CDH13: variants seen among roughly 807,000 people sequenced by gnomAD.
CDH13 encodes cadherin-13.
Under a neutral mutation model 63.8 loss-of-function variants are expected in CDH13, and 24 were observed. The observed-to-expected ratio is 0.38, with a 90% CI of 0.27 to 0.53. The LOEUF (loss-of-function observed/expected upper bound fraction) is 0.53. Among genes scored for constraint, CDH13 ranks in the 20% least tolerant of loss-of-function variants. The pLI, the probability that CDH13 is intolerant of heterozygous loss-of-function variation, is 0.85. For synonymous variants in CDH13, 503 were observed against 355.3 expected, an observed-to-expected ratio of 1.42 and a Z score of -4.67; for missense variants, 1,049 against 903.1, an observed-to-expected ratio of 1.16 and a Z score of -2.07.
chr16:83,609,225 T>G (rs114504869), intron 8 of CDH13, among the ~76,000 whole-genome samples: 3,259 of 152,266 alleles, frequency 0.021, 125 homozygotes, highest in African/African-American at 0.075. Flanking sequence ...TAAACTTTCT[T>G]AAGACATTAT....
intron 5 of CDH13, among the ~76,000 whole-genome samples, chr16:83,301,278 G>C (rs555388452): frequency 6.6e-6 from 1 of 151,870 alleles, no homozygotes; most frequent in Non-Finnish European, 1.5e-5. Flanking sequence ...TGATCCGCCC[G>C]CCTCAGCCTC....
chr16:82,898,634 C>T (rs2041350294), intron 2 of CDH13, among the ~76,000 whole-genome samples: 1 of 152,120 alleles, frequency 6.6e-6, no homozygotes, highest in South Asian at 2.1e-4. Context: ...GGTCACAGAG[C>T]CCGGAGCAAA....
chr16:83,620,917 C>T (rs1278691630), intron 8 of CDH13, among the ~76,000 whole-genome samples: 2 of 152,122 alleles, frequency 1.3e-5, no homozygotes, highest in Non-Finnish European at 1.5e-5. Context: ...TCCAACATGC[C>T]CCAGACTTGC....
At chr16:83,644,493 A>T (rs762434025) in intron 8 of CDH13, among the ~76,000 whole-genome samples, 8 of 152,238 alleles carry the variant, frequency 5.3e-5, no homozygotes, top group Admixed American at 2.0e-4. Flanking sequence ...CAAAAGCAAA[A>T]TGCCTGGCCC....
intron 1 of CDH13, among the ~76,000 whole-genome samples, chr16:82,782,732 G>A (rs2035820887): frequency 6.6e-6 from 1 of 152,092 alleles, no homozygotes; most frequent in South Asian, 2.1e-4. Context: ...GCAGCTTCAC[G>A]ACCAAGCACA....
intron 1 of CDH13, among the ~76,000 whole-genome samples, chr16:82,837,363 A>C (rs999877926): frequency 1.3e-5 from 2 of 152,160 alleles, no homozygotes; most frequent in African/African-American, 4.8e-5. Flanking sequence ...GGCACAGAAC[A>C]AATGAATGAA....
intron 7 of CDH13, among the ~76,000 whole-genome samples, chr16:83,507,013 C>T (rs964227193): frequency 2.0e-5 from 3 of 152,200 alleles, no homozygotes; most frequent in African/African-American, 7.2e-5. Context: ...CTTTAAAGCA[C>T]TAAGTTTGGG....
At chr16:82,709,327 G>A (rs2031738461) in intron 1 of CDH13, among the ~76,000 whole-genome samples, 1 of 152,142 alleles carries the variant, frequency 6.6e-6, no homozygotes, top group South Asian at 2.1e-4. Flanking sequence ...TCTGTTTCAT[G>A]CCACAGGAAT....
chr16:83,187,544 T>C (rs1449008986), intron 4 of CDH13, among the ~76,000 whole-genome samples: 3 of 152,020 alleles, frequency 2.0e-5, no homozygotes, highest in African/African-American at 7.2e-5. Context: ...AGGATGTAGA[T>C]TGGCAGGGGA....
intron 2 of CDH13, among the ~76,000 whole-genome samples, chr16:83,014,729 T>TAAAAAA (rs36157010): frequency 1.8e-4 from 4 of 22,296 alleles, no homozygotes; most frequent in Non-Finnish European, 2.5e-4. Flanking sequence ...AGACTCCATC[T>TAAAAAA]AAAAAAAAAA....
chr16:82,677,455 T>C (rs1469204435), intron 1 of CDH13, among the ~76,000 whole-genome samples: 3 of 151,528 alleles, frequency 2.0e-5, no homozygotes, highest in Non-Finnish European at 4.4e-5. Flanking sequence ...CCTTTTTTTT[T>C]TTTTTTTTGG....
At chr16:82,842,121 TATATATATATATATATAC>T (rs1567590370) in intron 1 of CDH13, among the ~76,000 whole-genome samples, 28 of 47,012 alleles carry the variant, frequency 6.0e-4, no homozygotes, top group Middle Eastern at 0.012. Flanking sequence ...TGTATATATA[TATATATATATATATATAC>T]ACATATATAT....
intron 2 of CDH13, among the ~76,000 whole-genome samples, chr16:82,987,905 G>C (rs1911153559): frequency 6.6e-6 from 1 of 152,198 alleles, no homozygotes; most frequent in Admixed American, 6.5e-5. Flanking sequence ...CTAGCACAGA[G>C]AGGTCTTTCT....
intron 4 of CDH13, among the ~76,000 whole-genome samples, chr16:83,150,890 T>C (rs952520570): frequency 7.2e-5 from 11 of 152,300 alleles, no homozygotes; most frequent in African/African-American, 2.6e-4. Context: ...CATTCTGTCA[T>C]TGTAGCACTT....
intron 2 of CDH13, among the ~76,000 whole-genome samples, chr16:82,883,773 A>C (rs1303682031): frequency 6.6e-6 from 1 of 152,202 alleles, no homozygotes; most frequent in East Asian, 1.9e-4. Flanking sequence ...GAGGCATTTC[A>C]TGGTCTTCCC....
intron 1 of CDH13, among the ~76,000 whole-genome samples, chr16:82,736,268 T>G (rs2033668382): frequency 6.6e-6 from 1 of 152,080 alleles, no homozygotes; most frequent in African/African-American, 2.4e-5. Flanking sequence ...CTAAATATAT[T>G]TATATAATCC....
At chr16:83,162,553 A>T (rs2037492683) in intron 4 of CDH13, among the ~76,000 whole-genome samples, 1 of 150,746 alleles carries the variant, frequency 6.6e-6, no homozygotes, top group South Asian at 2.1e-4. Context: ...GAACAAAGCA[A>T]GGTGTTGAAA....
chr16:83,713,427 G>C (rs908897921), intron 10 of CDH13, among the ~76,000 whole-genome samples: 17 of 152,044 alleles, frequency 1.1e-4, no homozygotes, highest in African/African-American at 4.1e-4. Flanking sequence ...TTTATACAGA[G>C]TTGGGGAGGG....
intron 1 of CDH13, among the ~76,000 whole-genome samples, chr16:82,774,304 T>A (rs1190128693): frequency 7.1e-6 from 1 of 141,016 alleles, no homozygotes; most frequent in Non-Finnish European, 1.5e-5. Context: ...TCAATTTACA[T>A]CTGTATGACT....
Sources: gnomAD v4.1 joint callset for allele counts (sites outside exome capture counted in the v4.1 genomes callset) on GRCh38, gnomAD v4.1.1 for gene constraint, MANE v1.5 for transcripts, NCBI Gene and HGNC (gene_info 2026-07-23, HGNC 2026-07-21) for gene names.